Variants in FBXW10B observed in about 807,000 individuals in gnomAD.
FBXW10B encodes the protein F-box and WD repeat domain containing 10B, also known as F-box and WD repeat domain containing protein 10B.
chr17:15,580,945 C>T, the FBXW10B span, among the ~76,000 whole-genome samples: 1 of 152,054 alleles, frequency 6.6e-6, no homozygotes, highest in African/African-American at 2.4e-5. Flanking sequence ...TAATACCTCC[C>T]ATCTTACAGA....
chr17:15,613,780 A>C, the FBXW10B span: 1 of 1,612,452 alleles, frequency 6.2e-7, no homozygotes, highest in Non-Finnish European at 8.5e-7. Context: ...AAACCCCAGA[A>C]CTGGGCCAAG....
chr17:15,590,094 C>T, the FBXW10B span, among the ~76,000 whole-genome samples: 1 of 150,664 alleles, frequency 6.6e-6, no homozygotes, highest in Non-Finnish European at 1.5e-5. Flanking sequence ...GATGGGGAGC[C>T]CGACCCCACC....
the FBXW10B span, among the ~76,000 whole-genome samples, chr17:15,589,913 A>G: frequency 6.6e-6 from 1 of 152,242 alleles, no homozygotes; most frequent in African/African-American, 2.4e-5. Flanking sequence ...ATTGTCTCTT[A>G]GAATGGCTTT....
the FBXW10B span, chr17:15,594,819 A>C: frequency 6.2e-7 from 1 of 1,614,036 alleles, no homozygotes; most frequent in African/African-American, 1.3e-5. Flanking sequence ...CCAGGCCATC[A>C]GTGCTTCCTG....
chr17:15,602,099 G>A, the FBXW10B span, among the ~76,000 whole-genome samples: 4 of 146,134 alleles, frequency 2.7e-5, no homozygotes, highest in African/African-American at 5.2e-5. Flanking sequence ...GCGAGAGAGC[G>A]AGACTCCGTC....
the FBXW10B span, among the ~76,000 whole-genome samples, chr17:15,594,049 G>A: frequency 2.6e-3 from 398 of 152,240 alleles, 2 homozygotes; most frequent in African/African-American, 9.3e-3. Flanking sequence ...AAAACAAAAA[G>A]GCTGATGTCA....
chr17:15,569,455 CT>C, the FBXW10B span, among the ~76,000 whole-genome samples: 1,119 of 59,248 alleles, frequency 0.019, 6 homozygotes, highest in African/African-American at 0.066. Flanking sequence ...TTTTCTTTTT[CT>C]TTTTTTTTTT....
At chr17:15,614,334 GC>G in the FBXW10B span, among the ~76,000 whole-genome samples, 2 of 151,214 alleles carry the variant, frequency 1.3e-5, no homozygotes, top group Admixed American at 6.6e-5. Flanking sequence ...GACTACAGGC[GC>G]CCGCCACCAC....
the FBXW10B span, among the ~76,000 whole-genome samples, chr17:15,617,709 G>A: frequency 8.9e-3 from 1,362 of 152,200 alleles, 21 homozygotes; most frequent in African/African-American, 0.031. Flanking sequence ...CTTGCCTCAC[G>A]ATACGTTGAT....
At chr17:15,601,049 C>CAAAAAATAAAA in the FBXW10B span, among the ~76,000 whole-genome samples, 1 of 28,258 alleles carries the variant, frequency 3.5e-5, no homozygotes, top group Non-Finnish European at 6.2e-5. Context: ...GACTCCATCT[C>CAAAAAATAAAA]AAAAAAAAAA....
At chr17:15,572,180 A>G in the FBXW10B span, 4 of 151,782 alleles carry the variant, frequency 2.6e-5, no homozygotes, top group East Asian at 7.7e-4. Context: ...CTAGATTTTC[A>G]GAGCACTTGG....
the FBXW10B span, chr17:15,607,698 T>C: frequency 8.2e-4 from 1,320 of 1,608,978 alleles, 6 homozygotes; most frequent in African/African-American, 0.016. Context: ...CAAGGGAATA[T>C]TTGAAGTTAA....
chr17:15,596,357 T>C, the FBXW10B span: 10 of 649,028 alleles, frequency 1.5e-5, no homozygotes, highest in Middle Eastern at 8.2e-4. Flanking sequence ...GGACTCTGAA[T>C]GCCTCACTTT....
At chr17:15,573,928 A>C in the FBXW10B span, 1 of 467,218 alleles carries the variant, frequency 2.1e-6, no homozygotes, top group Non-Finnish European at 3.8e-6. Flanking sequence ...ATGCAATGAC[A>C]TTGTCATTTG....
the FBXW10B span, chr17:15,619,614 C>T: frequency 6.6e-7 from 1 of 1,513,628 alleles, no homozygotes; most frequent in Non-Finnish European, 8.8e-7. Flanking sequence ...CCCAGTTGTG[C>T]CTTTTCTATT....
the FBXW10B span, among the ~76,000 whole-genome samples, chr17:15,602,037 G>C: frequency 6.6e-6 from 1 of 151,564 alleles, no homozygotes; most frequent in Non-Finnish European, 1.5e-5. Flanking sequence ...GCATGATCAC[G>C]GAAGGCGGAG....
At chr17:15,612,907 G>C in the FBXW10B span, 4 of 1,516,138 alleles carry the variant, frequency 2.6e-6, no homozygotes, top group South Asian at 1.3e-5. Context: ...GGAAAAACTA[G>C]TTCTTGGCAA....
the FBXW10B span, chr17:15,573,010 C>G: frequency 6.6e-6 from 1 of 152,124 alleles, no homozygotes; most frequent in African/African-American, 2.4e-5. Flanking sequence ...TAGCTTGGAC[C>G]AGGGTGGTCA....
chr17:15,613,933 T>C, the FBXW10B span: 9 of 1,599,416 alleles, frequency 5.6e-6, no homozygotes, highest in Non-Finnish European at 7.7e-6. Context: ...GGTCAACCAA[T>C]AGATTGCAGG....
Sources: gnomAD v4.1 joint callset for allele counts (sites outside exome capture counted in the v4.1 genomes callset) on GRCh38, gnomAD v4.1.1 for gene constraint, MANE v1.5 for transcripts, NCBI Gene and HGNC (gene_info 2026-07-23, HGNC 2026-07-21) for gene names.